Variants in MORN2 observed in about 807,000 individuals in gnomAD.
The protein encoded by MORN2 is MORN repeat containing 2.
In MORN2, 15 loss-of-function variants were observed where a neutral mutation model predicts 13.4. The ratio of observed to expected loss-of-function variants is 1.12; its 90% CI spans 0.75 to 1.72. The LOEUF is 1.72. Among genes scored for constraint, MORN2 ranks in the 40% most tolerant of loss-of-function variants. The pLI, the probability that MORN2 is intolerant of heterozygous loss-of-function variation, is 0.00. For missense variants in MORN2, 168 were observed against 134.6 expected, an observed-to-expected ratio of 1.25 and a Z score of -1.23; for synonymous variants, 46 against 43.6, an observed-to-expected ratio of 1.06 and a Z score of -0.22.
intron 4 of MORN2, among the ~76,000 whole-genome samples, chr2:38,882,027 G>A (rs879814996): frequency 3.7e-4 from 57 of 152,150 alleles, no homozygotes; most frequent in Non-Finnish European, 6.0e-4. Flanking sequence ...GGCCAGGTGC[G>A]GTGGCACAGC....
At chr2:38,881,674 A>G in intron 4 of MORN2, 96 bp downstream of exon 4, 2 of 1,004,032 alleles carry the variant, frequency 2.0e-6, no homozygotes, top group East Asian at 3.1e-5. Context: ...TTATTGAGAC[A>G]GAGTCTCCCT....
At chr2:38,876,779 A>G (rs1665641325) in intron 1 of MORN2, among the ~76,000 whole-genome samples, 1 of 152,214 alleles carries the variant, frequency 6.6e-6, no homozygotes, top group South Asian at 2.1e-4. Flanking sequence ...GGGCTACAAG[A>G]ATACAATAGC....
intron 3 of MORN2, among the ~76,000 whole-genome samples, chr2:38,881,124 T>C (rs1235045536): frequency 6.6e-6 from 1 of 152,200 alleles, no homozygotes; most frequent in Non-Finnish European, 1.5e-5. Context: ...TGTACTGGTT[T>C]CCTGAACTAA....
rs1466896996 is a variant in MORN2, at chr2:38,881,568, A to C, written c.343A>C (p.Asn115His). ...TGGGGCAAAGTATACTGGAAATTTCAATGAAAATAGGTAAGCTTAAAATAA... is the reference window on the plus strand; with the variant it reads ...TGGGGCAAAGTATACTGGAAATTTCCATGAAAATAGGTAAGCTTAAAATAA... Residue 115 changes from asparagine (N) to histidine (H), a missense_variant, in exon 4 of 5, where the codon AAT (asparagine) becomes CAT (histidine). Physicochemically the swap from Asn to His is moderately conservative, Grantham distance 68. Coordinates refer to ENST00000644631, the MANE Select transcript of MORN2 (RefSeq NM_001145450.3). 4.0e-6 allele frequency: 6 copies of C among 1,515,124 alleles called. No individual in the cohort carries two copies. The highest frequency in any genetic ancestry group is 2.5e-5 in the East Asian group (1 of 39,902). The allele number at this position is 1,515,124 out of a possible 1,614,324, so 93.9% of individuals were successfully genotyped here. A position where few individuals can be genotyped will look rare whatever the true frequency, so the allele number is the denominator to read the frequency against.
Position 38,880,619 on chromosome 2 carries a change from ATCT to A in MORN2, c.133_135del (p.Ser45del). Reference sequence around the variant, plus strand: ...GTTTAGATGGTGACTGTACAAGAACATCTTCTGGAATCTACGAGAGAAATGGAA... The same window carrying A: ...GTTTAGATGGTGACTGTACAAGAACATCTGGAATCTACGAGAGAAATGGAA... On this transcript the variant is annotated inframe_deletion, in exon 3 of 5. Transcript: ENST00000644631. 2 of 1,540,940 alleles carry A rather than the reference ATCT, an allele frequency of 1.3e-6. No homozygotes were observed. The highest frequency in any genetic ancestry group is 1.8e-6 in the Non-Finnish European group (2 of 1,142,832).
At position 38,882,450 on chromosome 2, in the gene MORN2, C is replaced by G. The variant is rs760015107; in HGVS notation, c.391C>G (p.Leu131Val). ...AGGGGAATATACTGATATCCAAGGA[C>G]TAGAATGGAGTGGTAACTTTCATTT... is the stretch of plus-strand genomic sequence containing the variant. The change falls in exon 5 of 5, where the codon CTA becomes GTA. Residue 131 changes from leucine (L) to valine (V), a missense_variant. By Grantham distance (32) the Leu-to-Val change is conservative. Transcript: ENST00000644631. 6.4e-7 allele frequency: 1 copy of G among 1,550,754 alleles called. No individual in the cohort carries two copies.
chr2:38,880,365 G>A, intron 2 of MORN2, 136 bp downstream of exon 2: 2 of 399,846 alleles, frequency 5.0e-6, no homozygotes, highest in Admixed American at 4.4e-5. Flanking sequence ...AATCCTAATA[G>A]ATAAAGAGCT....
intron 1 of MORN2, among the ~76,000 whole-genome samples, chr2:38,877,286 A>ATAAATTAAAT (rs1174192370): frequency 2.1e-5 from 2 of 93,596 alleles, no homozygotes; most frequent in African/African-American, 6.3e-5. Flanking sequence ...AAATAAATAA[A>ATAAATTAAAT]TAAATTAAAT....
chr2:38,876,965 C>A (rs985984441), intron 1 of MORN2, among the ~76,000 whole-genome samples: 4 of 152,182 alleles, frequency 2.6e-5, no homozygotes, highest in Non-Finnish European at 4.4e-5. Flanking sequence ...AGAGCATGAA[C>A]CCCTAACTAC....
chr2:38,877,367 C>T (rs1185063131), intron 1 of MORN2, among the ~76,000 whole-genome samples: 3 of 152,020 alleles, frequency 2.0e-5, no homozygotes, highest in African/African-American at 7.2e-5. Context: ...TGGAATTTCA[C>T]ATCTTGCAGA....
At chr2:38,880,796 A>G (rs1040838590) in intron 3 of MORN2, 90 bp downstream of exon 3, 11 of 1,371,834 alleles carry the variant, frequency 8.0e-6, no homozygotes, top group African/African-American at 2.9e-5. Flanking sequence ...AAAAACTCCT[A>G]TAATGAGTAG....
rs1665775176 is a variant in MORN2 at position 38,881,437 on chromosome 2, A to G, written c.217-5A>G. ...TTCTAAGGTAATTTCCTTTGTTACA[A>G]ACAGATGAATGGTTTTGGAAGACTT... On this transcript the variant is annotated splice_polypyrimidine_tract_variant and splice_region_variant and intron_variant, in intron 3 of 4. Coordinates refer to ENST00000644631, the MANE Select transcript of MORN2 (RefSeq NM_001145450.3). 3.3e-5 allele frequency: 50 copies of G among 1,531,900 alleles called. No homozygotes were observed. The highest frequency in any genetic ancestry group is 4.3e-5 in the Non-Finnish European group (49 of 1,141,780). The allele number at this position is 1,531,900 out of a possible 1,614,324, so 94.9% of individuals were successfully genotyped here.
At chr2:38,880,533 G>A in intron 2 of MORN2, 67 bp from the exon 3 acceptor site, 8 of 992,998 alleles carry the variant, frequency 8.1e-6, no homozygotes, top group Non-Finnish European at 1.1e-5. Context: ...CCCATGAGGT[G>A]TAGTTGCGAT....
chr2:38,882,414 G>A lies in MORN2; in HGVS notation c.355G>A (p.Val119Met), dbSNP rs1472269628. The A allele has an allele frequency of 3.2e-6, 5 of 1,540,716 alleles. No homozygotes were observed. The highest frequency in any genetic ancestry group is 2.0e-5 in the Admixed American group (1 of 50,714). ...AAAACTTATTTTCTACTATTGCAGG[G>A]TGGAAGGTGAAGGGGAATATACTGA... Residue 119 changes from valine (V) to methionine (M), a missense_variant and splice_region_variant, in exon 5 of 5, where the codon GTG (valine) becomes ATG (methionine). Coordinates refer to ENST00000644631, the MANE Select transcript of MORN2 (RefSeq NM_001145450.3).
At chr2:38,880,753 G>C (rs1411850900) in intron 3 of MORN2, 47 bp downstream of exon 3, 3 of 1,541,192 alleles carry the variant, frequency 1.9e-6, no homozygotes, top group Non-Finnish European at 2.6e-6. Flanking sequence ...TAACCCTGTA[G>C]GTTTAGTGAT....
intron 1 of MORN2, 79 bp downstream of exon 1, chr2:38,876,189 G>A: frequency 2.5e-6 from 1 of 398,562 alleles, no homozygotes; most frequent in Non-Finnish European, 4.4e-6. Context: ...GAACCTGCTT[G>A]GCTCCCGGTA....
chr2:38,880,179 C>A lies in MORN2; in HGVS notation c.59C>A (p.Thr20Asn). The change falls in exon 2 of 5, where the codon ACT becomes AAT. Residue 20 changes from threonine (T) to asparagine (N), a missense_variant and splice_region_variant. Thr to Asn is a moderately conservative substitution (Grantham distance 65, BLOSUM62 0). Coordinates refer to ENST00000644631, the MANE Select transcript of MORN2 (RefSeq NM_001145450.3). ...ACTGTTTTTAAATCTTTTAAAACAG[C>A]TTCAGAAGTGTATAAGATCAGCTTT... 1 of 398,916 alleles carries A rather than the reference C, an allele frequency of 2.5e-6. No individual in the cohort carries two copies. Among genetic ancestry groups the A allele is most frequent in the East Asian group, 3.6e-5 (1 of 28,058 alleles). 24.7% of individuals were successfully genotyped at this position (398,916 alleles called of 1,614,324 possible). A position where few individuals can be genotyped will look rare whatever the true frequency, so the allele number is the denominator to read the frequency against.
chr2:38,877,429 T>G (rs1412404542), intron 1 of MORN2, among the ~76,000 whole-genome samples: 1 of 152,108 alleles, frequency 6.6e-6, no homozygotes, highest in East Asian at 1.9e-4. Flanking sequence ...TATACCACCA[T>G]ACTTCACCCT....
intron 1 of MORN2, among the ~76,000 whole-genome samples, chr2:38,876,910 G>A (rs527701951): frequency 6.6e-6 from 1 of 152,210 alleles, no homozygotes; most frequent in African/African-American, 2.4e-5. Flanking sequence ...TCCAAGGTCA[G>A]AGAAAATGGT....
Sources: allele counts gnomAD v4.1 joint callset (sites outside exome capture counted in the v4.1 genomes callset), GRCh38; gene constraint gnomAD v4.1.1; transcripts MANE v1.5; gene names NCBI Gene and HGNC (gene_info 2026-07-23, HGNC 2026-07-21).